Variants in OVGP1 observed in about 807,000 individuals in gnomAD.
OVGP1 encodes oviduct-specific glycoprotein.
In OVGP1, 26 loss-of-function variants were observed where a neutral mutation model predicts 48.2. The observed-to-expected ratio is 0.54, with a 90% CI of 0.40 to 0.75. The LOEUF is 0.75. OVGP1 is among the 30% of genes least tolerant of loss of function. The probability of loss-of-function intolerance (pLI) is 0.00; values close to 1 mark genes in which losing one functional copy is unlikely to be tolerated. For synonymous variants in OVGP1, 294 were observed against 305.7 expected, an observed-to-expected ratio of 0.96 and a Z score of 0.40; for missense variants, 791 against 820.6, an observed-to-expected ratio of 0.96 and a Z score of 0.44.
intron 6 of OVGP1, among the ~76,000 whole-genome samples, chr1:111,422,699 T>G (rs2101727072): frequency 6.6e-6 from 1 of 152,322 alleles, no homozygotes. Context: ...AACATTGTTG[T>G]GGGCAGATAT....
At chr1:111,421,781 T>C (rs1352441463) in intron 6 of OVGP1, 108 bp from the exon 7 acceptor site, 59 of 696,460 alleles carry the variant, frequency 8.5e-5, no homozygotes, top group Non-Finnish European at 1.5e-5. Flanking sequence ...CACCAGAGCT[T>C]CCCTGCTCCT....
At chr1:111,420,259 G>T (rs893734708) in intron 8 of OVGP1, among the ~76,000 whole-genome samples, 1 of 152,166 alleles carries the variant, frequency 6.6e-6, no homozygotes, top group South Asian at 2.1e-4. Flanking sequence ...AAAACTATAT[G>T]CTGCAAAAAA....
intron 10 of OVGP1, among the ~76,000 whole-genome samples, 182 bp downstream of exon 10, chr1:111,416,141 A>G (rs1652128752): frequency 6.6e-6 from 1 of 152,240 alleles, no homozygotes; most frequent in Admixed American, 6.5e-5. Context: ...AGGAAGCTCA[A>G]AGAGGTCAAA....
chr1:111,421,219 C>T, intron 8 of OVGP1, 57 bp downstream of exon 8: 2 of 1,510,774 alleles, frequency 1.3e-6, no homozygotes, highest in Non-Finnish European at 1.8e-6. Flanking sequence ...CTGGCCTTTG[C>T]TCCAGCTGGG....
rs144878473 is a variant in OVGP1, at chr1:111,421,385, C to T, written c.794G>A (p.Arg265His). Residue 265 changes from arginine (R) to histidine (H), a missense_variant, in exon 8 of 11, where the codon CGT becomes CAT. By Grantham distance (29) the Arg-to-His change is conservative. Transcript: ENST00000369732. ...AGAGGCTTTGAGGAGGCGAAAGGTA[C>T]GTCCATAGGTGGGGATCCCCATGAT... ...KLIMGIPTYG[R>H]TFRLLKASKN... is the part of the protein sequence containing the mutation. The T allele has an allele frequency of 6.8e-6, 11 of 1,614,056 alleles. No homozygotes were observed. Among genetic ancestry groups the T allele is most frequent in the East Asian group, 4.5e-5 (2 of 44,872 alleles).
intron 9 of OVGP1, among the ~76,000 whole-genome samples, chr1:111,419,034 C>T (rs1310305840): frequency 6.6e-6 from 1 of 152,124 alleles, no homozygotes; most frequent in African/African-American, 2.4e-5. Context: ...CCTGTAGAAA[C>T]CTGTTTTTGC....
Position 111,416,732 on chromosome 1 carries a change from A to G in OVGP1, c.1021-274T>C, listed in dbSNP as rs536233456. The G allele has an allele frequency of 1.6e-5, 5 of 316,394 alleles. No homozygotes were observed. In the East Asian group the frequency reaches 2.6e-4, roughly 16 times the overall value. The allele number at this position is 316,394 out of a possible 1,614,324, so 19.6% of individuals were successfully genotyped here. A position where few individuals can be genotyped will look rare whatever the true frequency, so the allele number is the denominator to read the frequency against. On this transcript the variant is annotated intron_variant, in intron 9 of 10. Transcript: ENST00000369732. Reference sequence around the variant, plus strand: ...AGACCCAAAAGATTCTTACATGCACATATTACATACGATATGGATGAAGCG... The same window carrying G: ...AGACCCAAAAGATTCTTACATGCACGTATTACATACGATATGGATGAAGCG...
intron 6 of OVGP1, among the ~76,000 whole-genome samples, 154 bp downstream of exon 6, chr1:111,422,773 C>T (rs113118243): frequency 1.6e-4 from 24 of 152,114 alleles, no homozygotes; most frequent in African/African-American, 5.8e-4. Context: ...CCCTTCTCCC[C>T]ACCCATGCTC....
intron 9 of OVGP1, among the ~76,000 whole-genome samples, chr1:111,419,058 C>T (rs143825061): frequency 2.6e-5 from 4 of 152,260 alleles, no homozygotes; most frequent in East Asian, 1.9e-4. Flanking sequence ...AAAATGCCCA[C>T]AGGATGAAGA....
At chr1:111,416,273 T>A (rs748177854) in intron 10 of OVGP1, 50 bp downstream of exon 10, 1 of 1,510,042 alleles carries the variant, frequency 6.6e-7, no homozygotes, top group Non-Finnish European at 8.9e-7. Context: ...CCTTACCCAG[T>A]GCTTGGTTAT....
At position 111,427,691 on chromosome 1, in the gene OVGP1, A is replaced by G. The variant is rs1652431728; in HGVS notation, c.25+6T>C. ...GAGTGACACTGCTGGGACCTGCCAC[A>G]CTCACCAACCCACAGCAACAGCTTC... On this transcript the variant is annotated splice_donor_region_variant and intron_variant, in intron 1 of 10. Coordinates refer to ENST00000369732, the MANE Select transcript of OVGP1 (RefSeq NM_002557.4). The G allele has an allele frequency of 2.5e-6, 4 of 1,613,002 alleles. No homozygotes were observed. In the African/African-American group the frequency reaches 4.0e-5, roughly 16 times the overall value.
intron 8 of OVGP1, 67 bp downstream of exon 8, chr1:111,421,209 C>G: frequency 6.8e-7 from 1 of 1,475,002 alleles, no homozygotes; most frequent in Non-Finnish European, 9.2e-7. Context: ...GCCCCTTGTC[C>G]TGGCCTTTGC....
At chr1:111,419,872 C>T in intron 8 of OVGP1, 146 bp from the exon 9 acceptor site, 1 of 623,602 alleles carries the variant, frequency 1.6e-6, no homozygotes, top group East Asian at 2.7e-5. Context: ...AATGGAGAGG[C>T]CACTCACAAA....
intron 5 of OVGP1, 31 bp from the exon 6 acceptor site, chr1:111,423,082 C>A: frequency 6.2e-7 from 1 of 1,613,304 alleles, no homozygotes; most frequent in Non-Finnish European, 8.5e-7. Context: ...ACACAGAGAA[C>A]TGGACAAACA....
rs531398728 is a variant in OVGP1, at chr1:111,418,592, CT to C, written c.1020+1017del. On this transcript the variant is annotated intron_variant, in intron 9 of 10. Coordinates refer to ENST00000369732, the MANE Select transcript of OVGP1 (RefSeq NM_002557.4). ...TTAACAGGAGAACTGTGAATTCTCT[CT>C]ATTTAAGTCTCAATATCCAAGCAGT... 6.2e-3 allele frequency among the ~76,000 whole-genome samples: 945 copies of C among 152,294 alleles called. 9 individuals are homozygous for C. Among genetic ancestry groups the C allele is most frequent in the Middle Eastern group, 0.017 (5 of 294 alleles).
intron 3 of OVGP1, 132 bp from the exon 4 acceptor site, chr1:111,425,571 G>C: frequency 1.3e-6 from 2 of 1,500,026 alleles, no homozygotes; most frequent in South Asian, 1.2e-5. Context: ...AAGGAAAAGG[G>C]GGAAGGTGAT....
chr1:111,422,721 C>T (rs1652300616), intron 6 of OVGP1, among the ~76,000 whole-genome samples: 1 of 152,154 alleles, frequency 6.6e-6, no homozygotes. Context: ...ACATCACCTC[C>T]CTCTGAGGTC....
In OVGP1 at chr1:111,414,789, C is replaced by T. The variant is rs150120731; in HGVS notation, c.1712G>A (p.Arg571His). The T allele has an allele frequency of 5.9e-4, 944 of 1,602,018 alleles. 1 individual carries two copies. Among genetic ancestry groups the T allele is most frequent in the Non-Finnish European group, 7.3e-4 (857 of 1,171,786 alleles). ...TVAPRRKAVAREKVTVPSRNI... is the reference protein window; with the variant it reads ...TVAPRRKAVAHEKVTVPSRNI... ...TCTGGAGGGGACAGTCACCTTTTCA[C>T]GGGCCACAGCCTTCCTTCTAGGGGC... Residue 571 changes from arginine to histidine, a missense_variant, in exon 11 of 11, where the codon CGT becomes CAT. Arg to His is a conservative substitution (Grantham distance 29). Transcript: ENST00000369732.
intron 9 of OVGP1, among the ~76,000 whole-genome samples, chr1:111,417,687 G>A (rs1373383790): frequency 4.6e-5 from 7 of 151,828 alleles, no homozygotes; most frequent in African/African-American, 1.7e-4. Context: ...CAGACCTCTG[G>A]ATCAGAGGAC....
Sources: allele counts gnomAD v4.1 joint callset (sites outside exome capture counted in the v4.1 genomes callset), GRCh38; gene constraint gnomAD v4.1.1; transcripts MANE v1.5; gene names NCBI Gene and HGNC (gene_info 2026-07-23, HGNC 2026-07-21).